The following NLGN1 variants were observed in gnomAD, a reference collection of about 807,000 sequenced individuals.
NLGN1 encodes the protein neuroligin-1.
NLGN1 carries 12 observed loss-of-function variants against 65.5 expected under a neutral mutation model. The observed-to-expected ratio is 0.18, with a 90% CI of 0.12 to 0.30. NLGN1 has a LOEUF of 0.30. NLGN1 is among the 10% of genes least tolerant of loss of function. The pLI is 1.00. For missense variants in NLGN1, 750 were observed against 1,007.1 expected (o/e 0.74, Z 3.46); for synonymous variants, 350 against 359.5 (o/e 0.97, Z 0.30).
At chr3:174,228,298 G>T (rs2152814113) in intron 4 of NLGN1, among the ~76,000 whole-genome samples, 1 of 152,156 alleles carries the variant, frequency 6.6e-6, no homozygotes, top group East Asian at 1.9e-4. Flanking sequence ...ATCATCAGTG[G>T]ATCTTCCTGT....
chr3:174,265,187 T>A (rs1187447988), intron 4 of NLGN1, among the ~76,000 whole-genome samples: 2 of 151,868 alleles, frequency 1.3e-5, no homozygotes, highest in African/African-American at 4.8e-5. Context: ...GCAGGCCTCC[T>A]TGAGCTGTGG....
chr3:173,908,873 T>C (rs1738990185), intron 4 of NLGN1, among the ~76,000 whole-genome samples: 1 of 152,206 alleles, frequency 6.6e-6, no homozygotes, highest in Admixed American at 6.5e-5. Context: ...ACATTTTTAA[T>C]GGGGACTATT....
At chr3:173,788,152 T>C (rs1478512788) in intron 3 of NLGN1, among the ~76,000 whole-genome samples, 11 of 150,216 alleles carry the variant, frequency 7.3e-5, no homozygotes, top group Non-Finnish European at 1.5e-4. Context: ...ACATTTTACC[T>C]TTAAATTTTC....
chr3:173,990,036 C>T (rs1264888392), intron 4 of NLGN1, among the ~76,000 whole-genome samples: 3 of 152,166 alleles, frequency 2.0e-5, no homozygotes, highest in Non-Finnish European at 4.4e-5. Flanking sequence ...CAGCTAGACA[C>T]ATTGTTTTGG....
At chr3:174,187,675 C>T (rs1731663001) in intron 4 of NLGN1, among the ~76,000 whole-genome samples, 1 of 151,954 alleles carries the variant, frequency 6.6e-6, no homozygotes, top group Non-Finnish European at 1.5e-5. Context: ...ATTTTCTTCA[C>T]AATTATGTTT....
At position 173,635,404 on chromosome 3, in the gene NLGN1, G is replaced by C. The variant is rs548415778; in HGVS notation, c.493+30313G>C. Among the ~76,000 whole-genome samples the C allele has an allele frequency of 5.9e-5, 9 of 152,100 alleles. No homozygotes were observed. The South Asian group carries it at 1.2e-3, about 21-fold the overall frequency. ...AACAAATGCGAATTACTGTATAATG[G>C]CAATCACAGTTGAGCCGTATCTCTA... On this transcript the variant is annotated intron_variant, in intron 3 of 6. Transcript: ENST00000457714.
chr3:174,180,619 G>T (rs772527732), intron 4 of NLGN1, among the ~76,000 whole-genome samples: 5 of 152,046 alleles, frequency 3.3e-5, no homozygotes, highest in Admixed American at 6.6e-5. Flanking sequence ...TTATTTTAAA[G>T]ATAATAACTC....
At chr3:173,447,419 T>G (rs1720576448) in intron 2 of NLGN1, among the ~76,000 whole-genome samples, 1 of 152,192 alleles carries the variant, frequency 6.6e-6, no homozygotes. Context: ...GTTTCATTGA[T>G]CTATATCTCT....
chr3:173,883,631 G>A (rs567022065), intron 4 of NLGN1, among the ~76,000 whole-genome samples: 3 of 152,094 alleles, frequency 2.0e-5, no homozygotes, highest in Admixed American at 2.0e-4. Context: ...AATAAAGTAT[G>A]CCTGTATATT....
In NLGN1 at chr3:173,605,109, A is replaced by G. The variant is rs973057410; in HGVS notation, c.493+18A>G. 3.8e-6 allele frequency: 6 copies of G among 1,564,426 alleles called. No homozygotes were observed. The African/African-American group carries it at 6.9e-5, about 18-fold the overall frequency. ...TGAGGATGGTGAGTTTATTGCAGGA[A>G]AAACAGGGAGATATATTTATATATT... On this transcript the variant is annotated intron_variant, in intron 3 of 6. Transcript: ENST00000457714.
intron 2 of NLGN1, among the ~76,000 whole-genome samples, chr3:173,446,515 G>C (rs569854195): frequency 6.6e-6 from 1 of 152,076 alleles, no homozygotes; most frequent in African/African-American, 2.4e-5. Context: ...GAATAGTGCC[G>C]CAATAAACAT....
chr3:173,830,012 G>GCT (rs1560454255), intron 4 of NLGN1, among the ~76,000 whole-genome samples: 1 of 141,750 alleles, frequency 7.1e-6, no homozygotes, highest in South Asian at 2.2e-4. Context: ...TAGTGTGGGG[G>GCT]GGGGAGGGAG....
chr3:173,622,514 A>G (rs1471272964), intron 3 of NLGN1, among the ~76,000 whole-genome samples: 1 of 152,086 alleles, frequency 6.6e-6, no homozygotes, highest in Non-Finnish European at 1.5e-5. Context: ...AGAGCATGAT[A>G]GAATGCCCAA....
chr3:174,187,054 G>A (rs888894503), intron 4 of NLGN1, among the ~76,000 whole-genome samples: 4 of 151,778 alleles, frequency 2.6e-5, no homozygotes, highest in African/African-American at 7.3e-5. Flanking sequence ...TTATAATACC[G>A]AATACAATGT....
At chr3:174,273,959 C>T (rs1410959476) in intron 4 of NLGN1, among the ~76,000 whole-genome samples, 1 of 151,532 alleles carries the variant, frequency 6.6e-6, no homozygotes, top group Non-Finnish European at 1.5e-5. Context: ...GTTTTGTTTT[C>T]ATAAATGTAA....
chr3:173,473,580 C>T (rs1725659319), intron 2 of NLGN1, among the ~76,000 whole-genome samples: 1 of 152,180 alleles, frequency 6.6e-6, no homozygotes, highest in Non-Finnish European at 1.5e-5. Flanking sequence ...TAGTACTCTT[C>T]TCAGACAGTG....
chr3:173,717,713 A>G (rs1001044686), intron 3 of NLGN1, among the ~76,000 whole-genome samples: 2 of 152,192 alleles, frequency 1.3e-5, no homozygotes, highest in Non-Finnish European at 2.9e-5. Context: ...GTGGCAATTT[A>G]CAGTTATGTG....
chr3:174,118,222 A>G (rs1716964984), intron 4 of NLGN1, among the ~76,000 whole-genome samples: 1 of 151,938 alleles, frequency 6.6e-6, no homozygotes, highest in Admixed American at 6.5e-5. Flanking sequence ...GACCCTAATC[A>G]CTTTCTTCTT....
intron 4 of NLGN1, among the ~76,000 whole-genome samples, chr3:173,913,647 T>G (rs1740114848): frequency 6.6e-6 from 1 of 152,110 alleles, no homozygotes; most frequent in African/African-American, 2.4e-5. Context: ...TATTATCTAC[T>G]CTGGCAAGGA....
Sources: gnomAD v4.1 joint callset for allele counts (sites outside exome capture counted in the v4.1 genomes callset) on GRCh38, gnomAD v4.1.1 for gene constraint, MANE v1.5 for transcripts, NCBI Gene and HGNC (gene_info 2026-07-23, HGNC 2026-07-21) for gene names.